The following SORCS3 variants were observed in gnomAD, a reference collection of about 807,000 sequenced individuals.
The protein encoded by SORCS3 is sortilin related VPS10 domain containing receptor 3.
SORCS3 carries 57 observed loss-of-function variants against 146.3 expected under a neutral mutation model. The observed-to-expected ratio is 0.39, with a 90% CI of 0.31 to 0.49. The LOEUF (loss-of-function observed/expected upper bound fraction) is 0.49, where lower values mean the gene tolerates loss of function less well. Ranked by LOEUF, SORCS3 falls within the 20% of genes least tolerant of loss-of-function variation. The pLI, the probability that SORCS3 is intolerant of heterozygous loss-of-function variation, is 0.92. For missense variants in SORCS3, 1,341 were observed against 1,575.5 expected (o/e 0.85, Z 2.52); for synonymous variants, 653 against 618.5 (o/e 1.06, Z -0.83).
At chr10:104,754,522 A>T (rs7901568) in intron 1 of SORCS3, among the ~76,000 whole-genome samples, 43,800 of 151,838 alleles carry the variant, frequency 0.29, 6,677 homozygotes, top group East Asian at 0.64. Context: ...ATAGGGGGGG[A>T]AAAACTTTAC....
chr10:105,161,781 A>G (rs1212944674), intron 11 of SORCS3, among the ~76,000 whole-genome samples: 4 of 152,142 alleles, frequency 2.6e-5, no homozygotes, highest in Non-Finnish European at 5.9e-5. Context: ...CTCAATTTAG[A>G]GATGAAGAGA....
At chr10:105,134,706 G>A (rs2056046895) in intron 7 of SORCS3, among the ~76,000 whole-genome samples, 1 of 152,078 alleles carries the variant, frequency 6.6e-6, no homozygotes, top group Admixed American at 6.6e-5. Flanking sequence ...GTTTCAACAG[G>A]AATTTAGGAG....
At chr10:104,740,122 T>G (rs934398500) in intron 1 of SORCS3, among the ~76,000 whole-genome samples, 16 of 152,256 alleles carry the variant, frequency 1.1e-4, no homozygotes, top group African/African-American at 3.9e-4. Context: ...TTTACAATTT[T>G]GCAGTGCGTA....
Position 104,881,299 on chromosome 10 carries a change from T to C in SORCS3, c.696-34534T>C, listed in dbSNP as rs2018627948. 2.6e-5 allele frequency among the ~76,000 whole-genome samples: 4 copies of C among 152,208 alleles called. No homozygotes were observed. In the South Asian group the frequency reaches 8.3e-4, roughly 31 times the overall value. On this transcript the variant is annotated intron_variant, in intron 2 of 26. Transcript: ENST00000369701. Reference sequence around the variant, plus strand: ...AAATATTTCTACTGATCAATGACTGTAGCTTCGTGGTGTGCAATTGTCCTC... The same window carrying C: ...AAATATTTCTACTGATCAATGACTGCAGCTTCGTGGTGTGCAATTGTCCTC...
intron 1 of SORCS3, among the ~76,000 whole-genome samples, chr10:104,672,717 T>C (rs935801942): frequency 6.6e-6 from 1 of 152,204 alleles, no homozygotes; most frequent in Admixed American, 6.5e-5. Flanking sequence ...GCATTGTTTG[T>C]TTAAGAGTGT....
intron 8 of SORCS3, among the ~76,000 whole-genome samples, chr10:105,140,400 A>T (rs2056086931): frequency 6.6e-6 from 1 of 152,182 alleles, no homozygotes; most frequent in Non-Finnish European, 1.5e-5. Flanking sequence ...TCCTCTGTGA[A>T]CTAAACTCTA....
intron 2 of SORCS3, among the ~76,000 whole-genome samples, chr10:104,890,335 A>AT (rs1260257397): frequency 6.6e-6 from 1 of 151,536 alleles, no homozygotes; most frequent in Non-Finnish European, 1.5e-5. Context: ...TTTTCTGTTC[A>AT]TTTTTTCCTC....
chr10:104,927,755 G>A (rs1256886954), intron 3 of SORCS3, among the ~76,000 whole-genome samples: 4 of 151,966 alleles, frequency 2.6e-5, no homozygotes, highest in Non-Finnish European at 5.9e-5. Context: ...GCGGGTGTCT[G>A]TAATCCTAGC....
chr10:104,757,860 C>A lies in SORCS3; in HGVS notation c.628-84932C>A, dbSNP rs897134395. On this transcript the variant is annotated intron_variant, in intron 1 of 26. Coordinates refer to ENST00000369701, the MANE Select transcript of SORCS3 (RefSeq NM_014978.3). ...CTTGCGGTTCCCCACTGCCACCACC[C>A]CCCCCCCCACACCCGCTGCCTTGAT... Among the ~76,000 whole-genome samples the A allele has an allele frequency of 2.6e-4, 13 of 50,448 alleles. No homozygotes were observed. The South Asian group carries it at 7.4e-3, about 29-fold the overall frequency. 33.1% of individuals were successfully genotyped at this position (50,448 alleles called of 152,430 possible).
intron 1 of SORCS3, among the ~76,000 whole-genome samples, chr10:104,815,797 T>C (rs2133522740): frequency 6.6e-6 from 1 of 152,370 alleles, no homozygotes; most frequent in Admixed American, 6.5e-5. Flanking sequence ...GACACATATG[T>C]ATTATTTCTA....
At chr10:105,003,350 A>T (rs2055072884) in intron 4 of SORCS3, among the ~76,000 whole-genome samples, 1 of 152,070 alleles carries the variant, frequency 6.6e-6, no homozygotes, top group Non-Finnish European at 1.5e-5. Flanking sequence ...ATGGCAGATA[A>T]AGGAGCTTAG....
intron 1 of SORCS3, among the ~76,000 whole-genome samples, chr10:104,712,984 G>A (rs1193905150): frequency 1.3e-5 from 2 of 152,104 alleles, no homozygotes; most frequent in African/African-American, 4.8e-5. Context: ...CTATGGGTGG[G>A]ATTTCAGATA....
chr10:104,659,660 C>T (rs763209700), intron 1 of SORCS3, among the ~76,000 whole-genome samples: 54 of 152,168 alleles, frequency 3.5e-4, no homozygotes, highest in Non-Finnish European at 5.9e-4. Flanking sequence ...ACCTACTTCT[C>T]TCCTTTATAA....
chr10:105,127,081 G>A (rs1589646251), intron 7 of SORCS3, among the ~76,000 whole-genome samples: 1 of 152,076 alleles, frequency 6.6e-6, no homozygotes, highest in Admixed American at 6.6e-5. Context: ...ATGGTGGCCG[G>A]TATCCATAAT....
At chr10:104,960,606 C>T (rs2054788553) in intron 3 of SORCS3, among the ~76,000 whole-genome samples, 1 of 152,130 alleles carries the variant, frequency 6.6e-6, no homozygotes, top group Non-Finnish European at 1.5e-5. Context: ...CCATTTAATC[C>T]ATGAATCCAT....
At chr10:105,252,555 G>A (rs927469211) in intron 22 of SORCS3, among the ~76,000 whole-genome samples, 3 of 152,218 alleles carry the variant, frequency 2.0e-5, no homozygotes, top group African/African-American at 7.2e-5. Flanking sequence ...CAGTAAAAAT[G>A]TATATAAGAG....
intron 1 of SORCS3, among the ~76,000 whole-genome samples, chr10:104,832,295 ATC>A (rs1442709379): frequency 2.0e-5 from 3 of 152,168 alleles, no homozygotes; most frequent in African/African-American, 7.2e-5. Flanking sequence ...ATAAAACATC[ATC>A]TCTGTTTCTC....
chr10:105,045,021 G>GAAAAAA (rs35904016), intron 5 of SORCS3, among the ~76,000 whole-genome samples: 16 of 117,992 alleles, frequency 1.4e-4, no homozygotes, highest in African/African-American at 5.2e-4. Flanking sequence ...TCCAGAATTC[G>GAAAAAA]AAAAAAAAAA....
At chr10:104,751,469 A>G (rs1017743335) in intron 1 of SORCS3, among the ~76,000 whole-genome samples, 1 of 152,164 alleles carries the variant, frequency 6.6e-6, no homozygotes, top group African/African-American at 2.4e-5. Flanking sequence ...TTAGGAGGCA[A>G]TTGCTCTCAT....
Sources: gnomAD v4.1 joint callset for allele counts (sites outside exome capture counted in the v4.1 genomes callset) on GRCh38, gnomAD v4.1.1 for gene constraint, MANE v1.5 for transcripts, NCBI Gene and HGNC (gene_info 2026-07-23, HGNC 2026-07-21) for gene names.